Variants in ZNF764 observed in about 807,000 individuals in gnomAD.
The protein encoded by ZNF764 is zinc finger protein 764.
Under a neutral mutation model 13.9 loss-of-function variants are expected in ZNF764, and 10 were observed. The ratio of observed to expected loss-of-function variants is 0.72; its 90% CI spans 0.44 to 1.22. ZNF764 has a LOEUF of 1.22. ZNF764 is among the 50% of genes most tolerant of loss of function. The probability of loss-of-function intolerance (pLI) is 0.00; values close to 1 mark genes in which losing one functional copy is unlikely to be tolerated. For missense variants in ZNF764, 647 were observed against 589.7 expected (o/e 1.10, Z -1.01); for synonymous variants, 313 against 255.1 (o/e 1.23, Z -2.16).
In ZNF764 at chr16:30,557,726, A is replaced by ACT. The variant is rs1251229897; in HGVS notation, c.310+5_310+6dup. ...GTCCCCATGGGACTGAGCACCCGAT[A>ACT]CTCCACCTGGGTCCGTTTGTGTCTG... On this transcript the variant is annotated splice_region_variant and intron_variant, in intron 2 of 2. Transcript: ENST00000395091. 1 of 1,612,672 alleles carries ACT rather than the reference A, an allele frequency of 6.2e-7. No homozygotes were observed. The highest frequency in any genetic ancestry group is 8.5e-7 in the Non-Finnish European group (1 of 1,179,524).
In ZNF764 at chr16:30,556,119, T is replaced by A. The variant is rs1309744007; in HGVS notation, c.311-12A>T. The A allele has an allele frequency of 6.2e-7, 1 of 1,609,318 alleles. No homozygotes were observed. The highest frequency in any genetic ancestry group is 8.5e-7 in the Non-Finnish European group (1 of 1,179,960). ...CTTGTTTCTGGAATCTGCTGAGAGA[T>A]AAAGAGGGGAGAGTTCAGGCTCGGC... is the stretch of plus-strand genomic sequence containing the variant. On this transcript the variant is annotated splice_polypyrimidine_tract_variant and intron_variant, in intron 2 of 2. Coordinates refer to ENST00000395091, the MANE Select transcript of ZNF764 (RefSeq NM_001172679.2).
In ZNF764 at chr16:30,557,855, G is replaced by A. The variant is rs1401316356; in HGVS notation, c.197-9C>T. The A allele has an allele frequency of 1.3e-6, 2 of 1,597,610 alleles. No homozygotes were observed. The highest frequency in any genetic ancestry group is 1.7e-6 in the Non-Finnish European group (2 of 1,171,842). ...CTTGTTGCCTCCGATTCCTAGGGAA[G>A]AAGAACGCAAACCCCACGCTGCGGG... is the stretch of plus-strand genomic sequence containing the variant. On this transcript the variant is annotated splice_polypyrimidine_tract_variant and intron_variant, in intron 1 of 2. Transcript: ENST00000395091.
At chr16:30,556,144 C>T (rs1433817380) in intron 2 of ZNF764, 37 bp from the exon 3 acceptor site, 6 of 1,605,708 alleles carry the variant, frequency 3.7e-6, no homozygotes, top group Non-Finnish European at 5.1e-6. Context: ...TCAGGCTCGG[C>T]TCATCCTGGT....
In ZNF764 at chr16:30,558,341, C is replaced by T; in HGVS notation, c.-159G>A. ...GCGCACTAGAGGGCGTGGAAACTAA[C>T]GGTGCCGATGGCAGCGGGTGTATAA... On this transcript the variant is annotated 5_prime_UTR_variant, in exon 1 of 3. Transcript: ENST00000395091. 2.6e-6 allele frequency: 2 copies of T among 775,654 alleles called. No individual in the cohort carries two copies. The highest frequency in any genetic ancestry group is 4.0e-6 in the Non-Finnish European group (2 of 498,490). The allele number at this position is 775,654 out of a possible 1,614,324, so 48.0% of individuals were successfully genotyped here.
In ZNF764 at chr16:30,555,735, C is replaced by T. The variant is rs773049269; in HGVS notation, c.683G>A (p.Arg228Gln). The T allele has an allele frequency of 6.2e-5, 99 of 1,599,588 alleles. No individual in the cohort carries two copies. Among genetic ancestry groups the T allele is most frequent in the Non-Finnish European group, 8.2e-5 (96 of 1,175,438 alleles). The change falls in exon 3 of 3, where the codon CGG (arginine) becomes CAG (glutamine). Residue 228 changes from arginine to glutamine, a missense_variant. Arg to Gln is a conservative substitution (Grantham distance 43). Transcript: ENST00000395091. ...GCCACACTCCAGACAGCGGTGGGGC[C>T]GCTCCCCACGATGGATGGCCCGGTG... The part of the protein sequence containing the change: ...SKHRAIHRGE[R>Q]PHRCLECGRA...
Position 30,555,238 on chromosome 16 carries a change from C to T in ZNF764, c.1180G>A (p.Val394Met), listed in dbSNP as rs1057275721. ...ATCTCCGGGTACAGCTGGAAGCCCA[C>T]GGGCGGGTCCAGGTCTCCGTGGCCA... Reference protein sequence around the residue: ...TPGHGDLDPPVGFQLYPEIFQ... With the variant: ...TPGHGDLDPPMGFQLYPEIFQ... The change falls in exon 3 of 3, where the codon GTG becomes ATG. Residue 394 changes from valine (V) to methionine (M), a missense_variant. By Grantham distance (21) the Val-to-Met change is conservative. Transcript: ENST00000395091. The T allele has an allele frequency of 7.4e-6, 12 of 1,611,522 alleles. No homozygotes were observed. The highest frequency in any genetic ancestry group is 9.3e-6 in the Non-Finnish European group (11 of 1,178,976).
rs1373164555 is a variant in ZNF764, at chr16:30,555,338, G to A, written c.1080C>T (p.His360=). 3 of 1,607,934 alleles carry A rather than the reference G, an allele frequency of 1.9e-6. No homozygotes were observed. Among genetic ancestry groups the A allele is most frequent in the Admixed American group, 1.7e-5 (1 of 59,244 alleles). ...RFGQKSAVAK[H]QWVHRPGAGG... Reference sequence around the variant, plus strand: ...CGGCCCCGGGCCGATGAACCCACTGGTGTTTGGCCACGGCTGACTTCTGGC... The same window carrying A: ...CGGCCCCGGGCCGATGAACCCACTGATGTTTGGCCACGGCTGACTTCTGGC... Residue 360 remains histidine, a synonymous_variant, in exon 3 of 3, where the codon CAC becomes CAT. Coordinates refer to ENST00000395091, the MANE Select transcript of ZNF764 (RefSeq NM_001172679.2).
Position 30,555,044 on chromosome 16 carries a change from G to T in ZNF764, c.*150C>A. On this transcript the variant is annotated 3_prime_UTR_variant, in exon 3 of 3. Transcript: ENST00000395091. ...GGGGAGCAAGGTGCTGGCAGAGGAG[G>T]CTGCTAAGGGCCCAAGATCAGACTG... The T allele has an allele frequency of 3.4e-6, 3 of 891,684 alleles. No homozygotes were observed. The highest frequency in any genetic ancestry group is 5.0e-6 in the Non-Finnish European group (3 of 605,958). 55.2% of individuals were successfully genotyped at this position (891,684 alleles called of 1,614,324 possible).
At chr16:30,557,677 C>G in intron 2 of ZNF764, 56 bp downstream of exon 2, 1 of 1,598,942 alleles carries the variant, frequency 6.3e-7, no homozygotes, top group Non-Finnish European at 8.5e-7. Flanking sequence ...GCAGAGGGTA[C>G]CGGGATGGGA....
chr16:30,555,995 G>T lies in ZNF764; in HGVS notation c.423C>A (p.Ala141=). 1 of 1,612,430 alleles carries T rather than the reference G, an allele frequency of 6.2e-7. No individual in the cohort carries two copies. ...GCTGCTCCCAACCATAAGGGGGCCC[G>T]GCCGAGGGGGCTTGGGGAGACTTCA... ...PGLKSPQAPS[A]GPPYGWEQLS... Residue 141 remains alanine (A), a synonymous_variant, in exon 3 of 3, where the codon GCC becomes GCA. Coordinates refer to ENST00000395091, the MANE Select transcript of ZNF764 (RefSeq NM_001172679.2).
chr16:30,555,106 G>T lies in ZNF764; in HGVS notation c.*88C>A. On this transcript the variant is annotated 3_prime_UTR_variant, in exon 3 of 3. Coordinates refer to ENST00000395091, the MANE Select transcript of ZNF764 (RefSeq NM_001172679.2). The stretch of plus-strand genomic sequence containing the variant: ...GGGCCAGCTCTTGCCCTAGATTCTG[G>T]GACCTCCCTGCAGGCCGCCGCAGAG... The T allele has an allele frequency of 6.8e-7, 1 of 1,463,216 alleles. No individual in the cohort carries two copies. Among genetic ancestry groups the T allele is most frequent in the Non-Finnish European group, 9.2e-7 (1 of 1,090,184 alleles). The allele number at this position is 1,463,216 out of a possible 1,614,324, so 90.6% of individuals were successfully genotyped here. A position where few individuals can be genotyped will look rare whatever the true frequency, so the allele number is the denominator to read the frequency against.
intron 2 of ZNF764, among the ~76,000 whole-genome samples, chr16:30,557,117 G>A (rs1440986075): frequency 6.8e-6 from 1 of 146,610 alleles, no homozygotes; most frequent in Non-Finnish European, 1.5e-5. Flanking sequence ...TCCAGCCTGC[G>A]CGACAGAGGA....
Position 30,556,049 on chromosome 16 carries a change from G to T in ZNF764, c.369C>A (p.Pro123=), listed in dbSNP as rs769009164. The change falls in exon 3 of 3, where the codon CCC becomes CCA. Residue 123 remains proline, a synonymous_variant. Coordinates refer to ENST00000395091, the MANE Select transcript of ZNF764 (RefSeq NM_001172679.2). ...CAGGAGACCCGGCGGCCACAGGGTC[G>T]GGCTTCTCCAGGGCTCCCGTCCCTT... The part of the protein sequence containing the change: ...QREGTGALEK[P]DPVAAGSPGL... 1.2e-6 allele frequency: 2 copies of T among 1,612,630 alleles called. No homozygotes were observed. The highest frequency in any genetic ancestry group is 1.3e-5 in the African/African-American group (1 of 74,892).
rs763207824 is a variant in ZNF764, at chr16:30,556,068, G to A, written c.350C>T (p.Thr117Met). 1.2e-5 allele frequency: 19 copies of A among 1,612,276 alleles called. No homozygotes were observed. Among genetic ancestry groups the A allele is most frequent in the Middle Eastern group, 3.9e-4 (2 of 5,112 alleles). Residue 117 changes from threonine to methionine, a missense_variant, in exon 3 of 3, where the codon ACG (threonine) becomes ATG (methionine). Physicochemically the swap from Thr to Met is moderately conservative, Grantham distance 81. Coordinates refer to ENST00000395091, the MANE Select transcript of ZNF764 (RefSeq NM_001172679.2). ...AGGGTCGGGCTTCTCCAGGGCTCCC[G>A]TCCCTTCCCTTTGTCTTTCCTTTTT... Reference protein sequence around the residue: ...NKKKERQREGTGALEKPDPVA... With the variant: ...NKKKERQREGMGALEKPDPVA...
rs769249249 is a variant in ZNF764, at chr16:30,556,019, C to T, written c.399G>A (p.Leu133=). The change falls in exon 3 of 3, where the codon CTG becomes CTA. Residue 133 remains leucine (L), a synonymous_variant. Coordinates refer to ENST00000395091, the MANE Select transcript of ZNF764 (RefSeq NM_001172679.2). ...CGGCCGAGGGGGCTTGGGGAGACTT[C>T]AGCCCAGGAGACCCGGCGGCCACAG... The part of the protein sequence containing the change: ...PDPVAAGSPG[L]KSPQAPSAGP... 1 of 1,612,828 alleles carries T rather than the reference C, an allele frequency of 6.2e-7. No homozygotes were observed. The highest frequency in any genetic ancestry group is 8.5e-7 in the Non-Finnish European group (1 of 1,179,964).
rs908887422 is a variant in ZNF764 at position 30,555,063 on chromosome 16, C to T, written c.*131G>A. ...GAGGAGGCTGCTAAGGGCCCAAGAT[C>T]AGACTGTCCGCACCCCAGGGCCAGC... On this transcript the variant is annotated 3_prime_UTR_variant, in exon 3 of 3. Coordinates refer to ENST00000395091, the MANE Select transcript of ZNF764 (RefSeq NM_001172679.2). The T allele has an allele frequency of 3.6e-6, 4 of 1,113,836 alleles. No homozygotes were observed. Among genetic ancestry groups the T allele is most frequent in the African/African-American group, 1.6e-5 (1 of 61,756 alleles). 69.0% of individuals were successfully genotyped at this position (1,113,836 alleles called of 1,614,324 possible).
chr16:30,557,764 C>T lies in ZNF764; in HGVS notation c.279G>A (p.Glu93=), dbSNP rs564674853. The T allele has an allele frequency of 6.2e-7, 1 of 1,613,614 alleles. No individual in the cohort carries two copies. Among genetic ancestry groups the T allele is most frequent in the South Asian group, 1.1e-5 (1 of 90,948 alleles). Residue 93 remains glutamate (E), a synonymous_variant, in exon 2 of 3, where the codon GAG becomes GAA. Transcript: ENST00000395091. The stretch of plus-strand genomic sequence containing the variant: ...CCGTTTGTGTCTGACATTTCGCCAC[C>T]TCCGGATCCTGGGCAGCCGGACCCC... ...ELWGPAAQDP[E]VAKCQTQTDP...
Position 30,555,125 on chromosome 16 carries a change from C to T in ZNF764, c.*69G>A, listed in dbSNP as rs372807937. The T allele has an allele frequency of 8.6e-5, 130 of 1,514,592 alleles. 2 individuals carry two copies. In the East Asian group the frequency reaches 2.3e-3, roughly 27 times the overall value. The allele number at this position is 1,514,592 out of a possible 1,614,324, so 93.8% of individuals were successfully genotyped here. On this transcript the variant is annotated 3_prime_UTR_variant, in exon 3 of 3. Coordinates refer to ENST00000395091, the MANE Select transcript of ZNF764 (RefSeq NM_001172679.2). ...ATTCTGGGACCTCCCTGCAGGCCGCCGCAGAGGTTCGGGCCCCTGAGCCCA... is the reference window on the plus strand; with the variant it reads ...ATTCTGGGACCTCCCTGCAGGCCGCTGCAGAGGTTCGGGCCCCTGAGCCCA...
chr16:30,558,235 G>A lies in ZNF764; in HGVS notation c.-53C>T, dbSNP rs2051575914. 6.8e-7 allele frequency: 1 copy of A among 1,476,534 alleles called. No individual in the cohort carries two copies. The highest frequency in any genetic ancestry group is 8.9e-7 in the Non-Finnish European group (1 of 1,119,520). The allele number at this position is 1,476,534 out of a possible 1,614,324, so 91.5% of individuals were successfully genotyped here. Reference sequence around the variant, plus strand: ...GGCTGCCTCCCCTGGCCTGGCCTGGGCCTGCGGAACCTCCTGCGCCCGAGA... The same window carrying A: ...GGCTGCCTCCCCTGGCCTGGCCTGGACCTGCGGAACCTCCTGCGCCCGAGA... On this transcript the variant is annotated 5_prime_UTR_variant, in exon 1 of 3. Transcript: ENST00000395091.
Sources: gnomAD v4.1 joint callset for allele counts (sites outside exome capture counted in the v4.1 genomes callset) on GRCh38, gnomAD v4.1.1 for gene constraint, MANE v1.5 for transcripts, NCBI Gene and HGNC (gene_info 2026-07-23, HGNC 2026-07-21) for gene names.